The following ARID1B variants were observed in gnomAD, a reference collection of about 807,000 sequenced individuals.
ARID1B encodes the protein AT-rich interactive domain-containing protein 1B.
In ARID1B, 30 loss-of-function variants were observed where a neutral mutation model predicts 212.3. That is an observed-to-expected ratio of 0.14 (90% confidence interval 0.11 to 0.19). The LOEUF (loss-of-function observed/expected upper bound fraction) is 0.19. Ranked by LOEUF, ARID1B falls within the 10% of genes least tolerant of loss-of-function variation. The probability of loss-of-function intolerance (pLI) is 1.00; values close to 1 mark genes in which losing one functional copy is unlikely to be tolerated. For missense variants in ARID1B, 2,891 were observed against 3,204.0 expected, an observed-to-expected ratio of 0.90 and a Z score of 2.36; for synonymous variants, 1,402 against 1,301.7, an observed-to-expected ratio of 1.08 and a Z score of -1.66.
chr6:157,066,854 A>T (rs567788259), intron 4 of ARID1B, among the ~76,000 whole-genome samples: 13 of 152,312 alleles, frequency 8.5e-5, no homozygotes, highest in Admixed American at 7.8e-4. Flanking sequence ...ACAGTTTTTT[A>T]AAATTTCTTT....
At chr6:156,826,050 A>G (rs551217057) in intron 1 of ARID1B, among the ~76,000 whole-genome samples, 2 of 152,376 alleles carry the variant, frequency 1.3e-5, no homozygotes, top group East Asian at 3.8e-4. Context: ...GTTTGGGCAA[A>G]CAAATGTACT....
Position 156,945,233 on chromosome 6 carries a change from CTTTTTTTTTTTTTT to C in ARID1B, c.2247+9679_2247+9692del, listed in dbSNP as rs1164805779. On this transcript the variant is annotated intron_variant, in intron 4 of 19. Transcript: ENST00000636930. ...GACCGGTGTGAGCCCCCGCATCCGG[CTTTTTTTTTTTTTT>C]TTTTTTTTTTTTTTTTTTTTTGTGA... Among the ~76,000 whole-genome samples, 950 of 32,518 alleles carry C rather than the reference CTTTTTTTTTTTTTT, an allele frequency of 0.029. 26 individuals are homozygous for C. The East Asian group carries it at 0.3, about 10-fold the overall frequency. The allele number at this position is 32,518 out of a possible 152,430, so 21.3% of individuals were successfully genotyped here. A position where few individuals can be genotyped will look rare whatever the true frequency, so the allele number is the denominator to read the frequency against.
At chr6:157,007,690 G>T (rs1200644258) in intron 4 of ARID1B, among the ~76,000 whole-genome samples, 1 of 151,230 alleles carries the variant, frequency 6.6e-6, no homozygotes, top group Non-Finnish European at 1.5e-5. Flanking sequence ...AGTTCCATAG[G>T]AATTTTTGCA....
chr6:157,015,011 A>G (rs1779832917), intron 4 of ARID1B, among the ~76,000 whole-genome samples: 1 of 152,112 alleles, frequency 6.6e-6, no homozygotes, highest in Admixed American at 6.5e-5. Flanking sequence ...GGCTAATCTG[A>G]CTCGAGGGCA....
chr6:156,946,971 T>A (rs982839241), intron 4 of ARID1B, among the ~76,000 whole-genome samples: 1 of 152,238 alleles, frequency 6.6e-6, no homozygotes, highest in African/African-American at 2.4e-5. Flanking sequence ...AGAATTGATG[T>A]TGAAATATTG....
chr6:157,184,469 A>T (rs1323002821), intron 13 of ARID1B, 34 bp downstream of exon 13: 1 of 1,612,294 alleles, frequency 6.2e-7, no homozygotes, highest in Non-Finnish European at 8.5e-7. Context: ...TGGCCCAGGA[A>T]AGCCCAGGCG....
rs977812201 is a variant in ARID1B at position 156,945,966 on chromosome 6, G to A, written c.2247+10390G>A. On this transcript the variant is annotated intron_variant, in intron 4 of 19. Coordinates refer to ENST00000636930, the MANE Select transcript of ARID1B (RefSeq NM_001374828.1). ...GGAGGCTGCAGTGAGCAGTGATCACGTCACTGTACTCCAGCCTGGGCAACA... is the reference window on the plus strand; with the variant it reads ...GGAGGCTGCAGTGAGCAGTGATCACATCACTGTACTCCAGCCTGGGCAACA... Among the ~76,000 whole-genome samples the A allele has an allele frequency of 4.6e-5, 7 of 152,104 alleles. No homozygotes were observed. The East Asian group carries it at 7.7e-4, about 17-fold the overall frequency.
chr6:157,200,685 T>G lies in ARID1B; in HGVS notation c.4480-20T>G, dbSNP rs544813538. ...CCTGTAAGAGCACATCAGGATGATT[T>G]GTCTTTCTGTGAATTCCAGAATTAC... On this transcript the variant is annotated intron_variant, in intron 17 of 19. Transcript: ENST00000636930. This position sits in a 1 kb window ranked among gnomAD's most constrained non-coding sequence, Gnocchi z 4.3. 3 of 1,580,896 alleles carry G rather than the reference T, an allele frequency of 1.9e-6. No individual in the cohort carries two copies. The African/African-American group carries it at 4.1e-5, about 21-fold the overall frequency.
intron 12 of ARID1B, among the ~76,000 whole-genome samples, chr6:157,182,055 C>T (rs1378685005): frequency 6.6e-6 from 1 of 152,100 alleles, no homozygotes; most frequent in East Asian, 1.9e-4. Context: ...GCAGACTAGC[C>T]TGGGGACCCC....
chr6:157,188,954 C>G (rs1793168381), intron 13 of ARID1B, among the ~76,000 whole-genome samples: 1 of 152,014 alleles, frequency 6.6e-6, no homozygotes, highest in Non-Finnish European at 1.5e-5. Context: ...ATACTTAAAG[C>G]CAAATCTCAG....
intron 4 of ARID1B, among the ~76,000 whole-genome samples, chr6:157,016,586 A>C (rs4870505): frequency 0.61 from 92,434 of 152,024 alleles, 29,295 homozygotes; most frequent in African/African-American, 0.8. Flanking sequence ...AAGATGTGCC[A>C]GTTATGGGAC....
intron 6 of ARID1B, among the ~76,000 whole-genome samples, chr6:157,115,336 A>G (rs1346369865): frequency 1.3e-5 from 2 of 152,226 alleles, no homozygotes; most frequent in East Asian, 1.9e-4. Context: ...TGGGCTCTCT[A>G]CTCTCTTACA....
At chr6:156,904,153 A>G (rs1031217954) in intron 3 of ARID1B, among the ~76,000 whole-genome samples, 5 of 152,314 alleles carry the variant, frequency 3.3e-5, no homozygotes, top group Admixed American at 3.3e-4. Flanking sequence ...GAGTTTCTTT[A>G]TATCAAGAAG....
Position 157,084,914 on chromosome 6 carries a change from T to C in ARID1B, c.2491+9T>C, listed in dbSNP as rs113255708. On this transcript the variant is annotated intron_variant, in intron 5 of 19. Coordinates refer to ENST00000636930, the MANE Select transcript of ARID1B (RefSeq NM_001374828.1). ...TCCTGCAAGTATCCCAGGTATTTACTTTCCTGACAATTATTATTTTACTTT... is the reference window on the plus strand; with the variant it reads ...TCCTGCAAGTATCCCAGGTATTTACCTTCCTGACAATTATTATTTTACTTT... 1.3e-6 allele frequency: 2 copies of C among 1,593,670 alleles called. No individual in the cohort carries two copies. Among genetic ancestry groups the C allele is most frequent in the Non-Finnish European group, 1.7e-6 (2 of 1,170,106 alleles).
intron 5 of ARID1B, among the ~76,000 whole-genome samples, chr6:157,090,804 G>A (rs1785231509): frequency 6.6e-6 from 1 of 152,184 alleles, no homozygotes; most frequent in Admixed American, 6.5e-5. Flanking sequence ...GGAGGCACAG[G>A]TCAGGAGGAA....
At chr6:156,914,440 C>T (rs1448826161) in intron 3 of ARID1B, among the ~76,000 whole-genome samples, 1 of 152,322 alleles carries the variant, frequency 6.6e-6, no homozygotes, top group South Asian at 2.1e-4. Flanking sequence ...CCTGGGACGC[C>T]ACCCTCTCCT....
chr6:156,848,844 GTCA>G (rs1784399842), intron 2 of ARID1B, among the ~76,000 whole-genome samples: 1 of 152,182 alleles, frequency 6.6e-6, no homozygotes, highest in Admixed American at 6.5e-5. Flanking sequence ...TCTTAGCTCT[GTCA>G]TCATAAATAA....
chr6:157,087,801 TAG>T (rs1491389168), intron 5 of ARID1B, among the ~76,000 whole-genome samples: 2 of 92,784 alleles, frequency 2.2e-5, no homozygotes, highest in African/African-American at 7.1e-5. Flanking sequence ...AGTTTTCTTC[TAG>T]AAAAAAAAAA....
chr6:156,913,306 T>C (rs1014729481), intron 3 of ARID1B, among the ~76,000 whole-genome samples: 2 of 148,236 alleles, frequency 1.3e-5, no homozygotes, highest in African/African-American at 5.0e-5. Flanking sequence ...AACCTCTGCC[T>C]CCCGGGTTCA....
Sources: gnomAD v4.1 joint callset for allele counts (sites outside exome capture counted in the v4.1 genomes callset) on GRCh38, gnomAD v4.1.1 for gene constraint, Gnocchi (gnomAD v3.1) non-coding constraint, MANE v1.5 for transcripts, NCBI Gene and HGNC (gene_info 2026-07-23, HGNC 2026-07-21) for gene names.